Variants in TDRD3 observed in about 807,000 individuals in gnomAD.
TDRD3 encodes tudor domain-containing protein 3.
TDRD3 carries 45 observed loss-of-function variants against 86.7 expected under a neutral mutation model. The observed-to-expected ratio is 0.52, with a 90% CI of 0.41 to 0.67. TDRD3 has a LOEUF of 0.67. Among genes scored for constraint, TDRD3 ranks in the 30% least tolerant of loss-of-function variants. The pLI is 0.00. For synonymous variants in TDRD3, 298 were observed against 301.7 expected (o/e 0.99, Z 0.13); for missense variants, 814 against 889.0 (o/e 0.92, Z 1.07).
chr13:60,478,800 A>AC (rs1956250794), intron 5 of TDRD3, among the ~76,000 whole-genome samples: 1 of 120,450 alleles, frequency 8.3e-6, no homozygotes, highest in Non-Finnish European at 1.8e-5. Context: ...TAATTTGAGG[A>AC]CTTTTTTTTT....
intron 3 of TDRD3, among the ~76,000 whole-genome samples, chr13:60,449,241 C>T (rs745543131): frequency 1.3e-5 from 2 of 152,040 alleles, no homozygotes; most frequent in Non-Finnish European, 1.5e-5. Context: ...ATATGTTAGT[C>T]TGTGTTAAGT....
At chr13:60,559,746 TGAG>T (rs1319382415) in intron 12 of TDRD3, among the ~76,000 whole-genome samples, 3 of 152,006 alleles carry the variant, frequency 2.0e-5, no homozygotes, top group Admixed American at 1.3e-4. Context: ...GTGAGGGAAA[TGAG>T]GAGATGTTGG....
rs190678352 is a variant in TDRD3 at position 60,499,027 on chromosome 13, C to G, written c.858+4452C>G. Among the ~76,000 whole-genome samples, 33 of 152,318 alleles carry G rather than the reference C, an allele frequency of 2.2e-4. No homozygotes were observed. In the East Asian group the frequency reaches 5.8e-3, roughly 27 times the overall value. On this transcript the variant is annotated intron_variant, in intron 8 of 13. Coordinates refer to ENST00000377881, the MANE Select transcript of TDRD3 (RefSeq NM_001146070.2). ...CATACTTAGCAGCTGGCAGAACCCT[C>G]ACACTGGCTCCCTGACTGGTAGGGT...
At chr13:60,458,924 ATTTTAATGG>A (rs1461267606) in intron 3 of TDRD3, among the ~76,000 whole-genome samples, 1 of 152,228 alleles carries the variant, frequency 6.6e-6, no homozygotes, top group African/African-American at 2.4e-5. Flanking sequence ...AAATGTCCTT[ATTTTAATGG>A]CATTAACAAA....
chr13:60,481,200 A>G (rs989692777), intron 5 of TDRD3, among the ~76,000 whole-genome samples: 1 of 152,170 alleles, frequency 6.6e-6, no homozygotes, highest in Non-Finnish European at 1.5e-5. Context: ...TTGTTTAATT[A>G]TGATGTACCT....
At chr13:60,471,557 T>C (rs1234720631) in intron 5 of TDRD3, among the ~76,000 whole-genome samples, 1 of 152,090 alleles carries the variant, frequency 6.6e-6, no homozygotes, top group East Asian at 1.9e-4. Context: ...AAAAAAATCA[T>C]TGGGGTTTTG....
intron 7 of TDRD3, among the ~76,000 whole-genome samples, chr13:60,493,307 A>G (rs1232260110): frequency 6.6e-6 from 1 of 152,144 alleles, no homozygotes. Context: ...ATTTTAAAAT[A>G]TTGGTCATTG....
chr13:60,508,027 C>T (rs546581855), intron 8 of TDRD3, among the ~76,000 whole-genome samples: 104 of 152,164 alleles, frequency 6.8e-4, no homozygotes, highest in Non-Finnish European at 9.7e-4. Context: ...TTCACAATTG[C>T]TACAAAGAGA....
intron 2 of TDRD3, among the ~76,000 whole-genome samples, chr13:60,441,053 T>C (rs1265032174): frequency 6.6e-6 from 1 of 152,172 alleles, no homozygotes; most frequent in Non-Finnish European, 1.5e-5. Context: ...AGTAAGATCA[T>C]TTTATTTTGG....
chr13:60,510,709 A>G lies in TDRD3; in HGVS notation c.1095A>G (p.Thr365=). Residue 365 remains threonine, a synonymous_variant, in exon 10 of 14, where the codon ACA becomes ACG. Transcript: ENST00000377881. The part of the protein sequence containing the change: ...LGNARPSAPS[T]LFDFLESKMG... ...ATGCAAGGCCATCAGCACCAAGCAC[A>G]TTATTTGATTTCTTGGAATCTAAAA... 6.3e-7 allele frequency: 1 copy of G among 1,595,054 alleles called. No homozygotes were observed.
chr13:60,456,646 GAAGA>G (rs1334676374), intron 3 of TDRD3, among the ~76,000 whole-genome samples: 1 of 152,056 alleles, frequency 6.6e-6, no homozygotes, highest in Non-Finnish European at 1.5e-5. Flanking sequence ...AACAGTAGTT[GAAGA>G]AAGATTTAGA....
At chr13:60,510,807 T>TC in intron 10 of TDRD3, 52 bp downstream of exon 10, 1 of 1,458,742 alleles carries the variant, frequency 6.9e-7, no homozygotes, top group Non-Finnish European at 9.1e-7. Context: ...TCTTTCTTTT[T>TC]TTTTTTTTTT....
chr13:60,458,700 C>A (rs1390712311), intron 3 of TDRD3, among the ~76,000 whole-genome samples: 1 of 152,110 alleles, frequency 6.6e-6, no homozygotes, highest in Non-Finnish European at 1.5e-5. Context: ...TCTGTGCTCT[C>A]CATATATAGA....
chr13:60,548,268 A>G (rs1230169597), intron 12 of TDRD3, among the ~76,000 whole-genome samples: 3 of 152,152 alleles, frequency 2.0e-5, no homozygotes, highest in Admixed American at 6.5e-5. Context: ...TTAAAATGCT[A>G]TCTTTATTGG....
At chr13:60,513,053 G>A (rs1957093842) in intron 10 of TDRD3, among the ~76,000 whole-genome samples, 1 of 152,202 alleles carries the variant, frequency 6.6e-6, no homozygotes, top group Non-Finnish European at 1.5e-5. Context: ...TTGGCATTCA[G>A]GCATTTTCAT....
chr13:60,412,122 A>G (rs1233064821), intron 1 of TDRD3, among the ~76,000 whole-genome samples: 1 of 152,214 alleles, frequency 6.6e-6, no homozygotes, highest in African/African-American at 2.4e-5. Flanking sequence ...TATAAACTGT[A>G]AAACCTTGTG....
intron 1 of TDRD3, among the ~76,000 whole-genome samples, chr13:60,438,173 A>G (rs1955168750): frequency 6.6e-6 from 1 of 152,146 alleles, no homozygotes; most frequent in Non-Finnish European, 1.5e-5. Context: ...ATATTTATGA[A>G]AGTGAATTTA....
At chr13:60,475,680 C>A (rs907071025) in intron 5 of TDRD3, among the ~76,000 whole-genome samples, 6 of 152,178 alleles carry the variant, frequency 3.9e-5, no homozygotes, top group Non-Finnish European at 7.4e-5. Context: ...TGTGTATTTT[C>A]CTTTCTTGGC....
At chr13:60,480,317 G>A (rs1382766345) in intron 5 of TDRD3, among the ~76,000 whole-genome samples, 2 of 152,276 alleles carry the variant, frequency 1.3e-5, no homozygotes, top group East Asian at 3.9e-4. Context: ...ATTGAAAATA[G>A]GCCCCACTCT....
Sources: gnomAD v4.1 joint callset for allele counts (sites outside exome capture counted in the v4.1 genomes callset) on GRCh38, gnomAD v4.1.1 for gene constraint, MANE v1.5 for transcripts, NCBI Gene and HGNC (gene_info 2026-07-23, HGNC 2026-07-21) for gene names.